ARFIP1: variants seen among roughly 807,000 people sequenced by gnomAD.
ARFIP1 encodes the protein arfaptin-1.
ARFIP1 carries 24 observed loss-of-function variants against 42.5 expected under a neutral mutation model. The observed-to-expected ratio is 0.57, with a 90% CI of 0.41 to 0.80. The LOEUF is 0.80. ARFIP1 is among the 30% of genes least tolerant of loss of function. The pLI is 0.00. For missense variants in ARFIP1, 354 were observed against 434.0 expected (o/e 0.82, Z 1.64); for synonymous variants, 141 against 153.7 (o/e 0.92, Z 0.61).
intron 7 of ARFIP1, among the ~76,000 whole-genome samples, chr4:152,886,035 C>T (rs1736232926): frequency 6.6e-6 from 1 of 152,040 alleles, no homozygotes; most frequent in Non-Finnish European, 1.5e-5. Context: ...TTCAGCTTGG[C>T]TCCTGAACCC....
chr4:152,874,451 C>T (rs1052363483), intron 5 of ARFIP1, among the ~76,000 whole-genome samples: 2 of 152,118 alleles, frequency 1.3e-5, no homozygotes, highest in Non-Finnish European at 2.9e-5. Flanking sequence ...AGTTAATAGT[C>T]CAGTGTGTCC....
At chr4:152,892,530 T>C (rs977264928) in intron 8 of ARFIP1, among the ~76,000 whole-genome samples, 1 of 152,226 alleles carries the variant, frequency 6.6e-6, no homozygotes, top group African/African-American at 2.4e-5. Context: ...TGTTTTTCTT[T>C]GTTCCCTCTT....
chr4:152,817,460 C>T (rs757001836), intron 1 of ARFIP1, among the ~76,000 whole-genome samples: 1 of 152,124 alleles, frequency 6.6e-6, no homozygotes, highest in Non-Finnish European at 1.5e-5. Context: ...CAAAAATTAA[C>T]TCAGAATGAA....
rs7695832 is a variant in ARFIP1 at position 152,911,979 on chromosome 4, G to A, written c.*1760G>A. The A allele has an allele frequency of 1.3e-5, 2 of 152,536 alleles. No individual in the cohort carries two copies. The highest frequency in any genetic ancestry group is 6.5e-5 in the Admixed American group (1 of 15,270). The allele number at this position is 152,536 out of a possible 1,614,324, so 9.4% of individuals were successfully genotyped here. ...GAAATTCTGAAGACACATAATTTGC[G>A]TTTTCTGAACCTTAAAAAAAAAGGT... is the stretch of plus-strand genomic sequence containing the variant. On this transcript the variant is annotated 3_prime_UTR_variant, in exon 9 of 9. Coordinates refer to ENST00000353617, the MANE Select transcript of ARFIP1 (RefSeq NM_001025595.3).
Position 152,836,806 on chromosome 4 carries a change from G to A in ARFIP1, c.93+7080G>A, listed in dbSNP as rs142929320. ...TTTTTATTTTTATTTTTATTTTTCCGCAAGTTATTGAGGTACAGGTGGTAT... is the reference window on the plus strand; with the variant it reads ...TTTTTATTTTTATTTTTATTTTTCCACAAGTTATTGAGGTACAGGTGGTAT... On this transcript the variant is annotated intron_variant, in intron 2 of 8. Transcript: ENST00000353617. 4.8e-3 allele frequency among the ~76,000 whole-genome samples: 719 copies of A among 151,176 alleles called. 3 individuals carry two copies. The highest frequency in any genetic ancestry group is 8.2e-3 in the Non-Finnish European group (559 of 67,868).
intron 1 of ARFIP1, among the ~76,000 whole-genome samples, chr4:152,782,351 A>C (rs955606201): frequency 6.6e-6 from 1 of 152,192 alleles, no homozygotes; most frequent in African/African-American, 2.4e-5. Flanking sequence ...CCTTTAAAAC[A>C]TTAGTGTTTC....
intron 8 of ARFIP1, among the ~76,000 whole-genome samples, chr4:152,900,730 G>T (rs879359056): frequency 3.3e-5 from 5 of 152,156 alleles, no homozygotes; most frequent in Non-Finnish European, 5.9e-5. Context: ...TCAGTGATGG[G>T]CAGGGAAAGC....
chr4:152,805,135 A>G (rs948565397), intron 1 of ARFIP1, among the ~76,000 whole-genome samples: 6 of 152,342 alleles, frequency 3.9e-5, no homozygotes, highest in African/African-American at 1.2e-4. Context: ...GCATTCTGAC[A>G]TTCTAAAAAC....
At chr4:152,797,221 A>G (rs1731523286) in intron 1 of ARFIP1, among the ~76,000 whole-genome samples, 1 of 152,200 alleles carries the variant, frequency 6.6e-6, no homozygotes, top group African/African-American at 2.4e-5. Context: ...CCATTTATTG[A>G]AAAGTCCATC....
chr4:152,830,359 C>T (rs1731167839), intron 2 of ARFIP1, among the ~76,000 whole-genome samples: 1 of 151,978 alleles, frequency 6.6e-6, no homozygotes, highest in Admixed American at 6.6e-5. Flanking sequence ...ATCTTATTTA[C>T]TTTCATGAAG....
Position 152,882,796 on chromosome 4 carries a change from A to C in ARFIP1, c.707A>C (p.Asn236Thr). ...GGAGAGACTCTTCTTGGGGCCATTA[A>C]TTTTTTCATTGCTAGTGTGAACACT... The part of the protein sequence containing the change: ...KNGETLLGAI[N>T]FFIASVNTLV... The change falls in exon 7 of 9, where the codon AAT becomes ACT. Residue 236 changes from asparagine to threonine, a missense_variant. Physicochemically the swap from Asn to Thr is moderately conservative, Grantham distance 65 (BLOSUM62 0). Coordinates refer to ENST00000353617, the MANE Select transcript of ARFIP1 (RefSeq NM_001025595.3). 6.2e-7 allele frequency: 1 copy of C among 1,613,068 alleles called. No individual in the cohort carries two copies. The highest frequency in any genetic ancestry group is 1.3e-5 in the African/African-American group (1 of 74,990).
chr4:152,880,174 T>G (rs1735711466), intron 5 of ARFIP1, among the ~76,000 whole-genome samples: 1 of 152,052 alleles, frequency 6.6e-6, no homozygotes, highest in Admixed American at 6.5e-5. Context: ...AAACCCCATC[T>G]CTACTAAAAA....
intron 3 of ARFIP1, among the ~76,000 whole-genome samples, chr4:152,868,598 T>C (rs1734607241): frequency 1.3e-5 from 2 of 152,178 alleles, no homozygotes; most frequent in African/African-American, 4.8e-5. Flanking sequence ...ATTTGTTATA[T>C]ATATTATACA....
intron 2 of ARFIP1, among the ~76,000 whole-genome samples, chr4:152,846,215 A>T (rs894183261): frequency 3.3e-5 from 5 of 152,138 alleles, no homozygotes; most frequent in Non-Finnish European, 7.4e-5. Flanking sequence ...GTAGGGAGGG[A>T]GAGAAGGGGG....
At chr4:152,891,730 A>C (rs1242177251) in intron 8 of ARFIP1, among the ~76,000 whole-genome samples, 1 of 152,072 alleles carries the variant, frequency 6.6e-6, no homozygotes, top group Admixed American at 6.6e-5. Context: ...TTTGTTTGAG[A>C]AGGAGTCTCG....
chr4:152,878,889 A>G (rs1735588348), intron 5 of ARFIP1, among the ~76,000 whole-genome samples: 3 of 152,150 alleles, frequency 2.0e-5, no homozygotes, highest in Non-Finnish European at 4.4e-5. Flanking sequence ...GAATAGAGTA[A>G]ATGTCTCTGA....
At chr4:152,860,751 T>C (rs993097808) in intron 2 of ARFIP1, among the ~76,000 whole-genome samples, 2 of 152,186 alleles carry the variant, frequency 1.3e-5, no homozygotes, top group Non-Finnish European at 2.9e-5. Context: ...TGGACAGATA[T>C]TTGTTTAGCT....
chr4:152,822,296 TAAAAAAAAAAA>T (rs70949618), intron 1 of ARFIP1, among the ~76,000 whole-genome samples: 2,092 of 65,646 alleles, frequency 0.032, 73 homozygotes, highest in African/African-American at 0.097. Flanking sequence ...GCAACAGCAG[TAAAAAAAAAAA>T]AAAAAAAAAA....
chr4:152,860,041 T>G (rs1733761752), intron 2 of ARFIP1, among the ~76,000 whole-genome samples: 1 of 152,102 alleles, frequency 6.6e-6, no homozygotes, highest in Admixed American at 6.5e-5. Flanking sequence ...ATGGTCAGTT[T>G]TACATATAAG....
Sources: gnomAD v4.1 joint callset for allele counts (sites outside exome capture counted in the v4.1 genomes callset) on GRCh38, gnomAD v4.1.1 for gene constraint, MANE v1.5 for transcripts, NCBI Gene and HGNC (gene_info 2026-07-23, HGNC 2026-07-21) for gene names.